SMYD3: variants seen among roughly 807,000 people sequenced by gnomAD.
SMYD3 encodes the protein SET and MYND domain containing 3.
A neutral mutation model predicts 57.7 loss-of-function variants in SMYD3; 36 were observed. That is an observed-to-expected ratio of 0.62 (90% CI 0.48 to 0.82). SMYD3 has a LOEUF of 0.82. SMYD3 is among the 40% of genes least tolerant of loss of function. The pLI, the probability that SMYD3 is intolerant of heterozygous loss-of-function variation, is 0.00. For synonymous variants in SMYD3, 211 were observed against 195.0 expected (o/e 1.08, Z -0.68); for missense variants, 515 against 538.8 (o/e 0.96, Z 0.44).
intron 7 of SMYD3, among the ~76,000 whole-genome samples, chr1:245,918,851 G>A (rs1038460720): frequency 1.3e-5 from 2 of 152,148 alleles, no homozygotes; most frequent in Admixed American, 1.3e-4. Flanking sequence ...TATCAGAGCA[G>A]GTAAATGGAC....
chr1:246,376,599 A>AAAAC (rs2148740107), intron 1 of SMYD3, among the ~76,000 whole-genome samples: 1 of 151,198 alleles, frequency 6.6e-6, no homozygotes, highest in East Asian at 1.9e-4. Flanking sequence ...TAAAAAAAAA[A>AAAAC]AAAAAAAAAA....
chr1:245,837,003 T>C (rs1441816746), intron 10 of SMYD3, among the ~76,000 whole-genome samples: 2 of 152,146 alleles, frequency 1.3e-5, no homozygotes, highest in Non-Finnish European at 2.9e-5. Flanking sequence ...ATTTAATATT[T>C]TGATAGTCAA....
intron 2 of SMYD3, among the ~76,000 whole-genome samples, chr1:246,350,630 G>C (rs548888833): frequency 6.7e-6 from 1 of 149,044 alleles, no homozygotes; most frequent in South Asian, 2.2e-4. Context: ...AACATGAAGG[G>C]AAGTGGGTCT....
chr1:245,887,193 T>C (rs10737777), intron 8 of SMYD3, among the ~76,000 whole-genome samples: 151,275 of 152,182 alleles, frequency 0.99, 75,196 homozygotes, highest in Middle Eastern at 1. Context: ...GTAAAGGAGC[T>C]GGCCAAATCC....
chr1:245,767,912 T>C (rs1045787610), intron 10 of SMYD3, among the ~76,000 whole-genome samples: 2 of 152,100 alleles, frequency 1.3e-5, no homozygotes, highest in Non-Finnish European at 2.9e-5. Context: ...CCAAGAAAAT[T>C]GGAAAACAGA....
chr1:246,448,386 CATT>C (rs531585325), intron 1 of SMYD3, among the ~76,000 whole-genome samples: 108 of 152,206 alleles, frequency 7.1e-4, no homozygotes, highest in African/African-American at 2.5e-3. Context: ...AGTCAACTGT[CATT>C]ATCCTATGAA....
chr1:245,942,798 C>A (rs1186356312), intron 5 of SMYD3, among the ~76,000 whole-genome samples: 3 of 152,270 alleles, frequency 2.0e-5, no homozygotes, highest in East Asian at 3.9e-4. Context: ...CAGACCACAG[C>A]ACAATCAAAT....
chr1:246,436,190 G>A (rs1239679302), intron 1 of SMYD3, among the ~76,000 whole-genome samples: 27 of 141,456 alleles, frequency 1.9e-4, no homozygotes, highest in African/African-American at 1.6e-4. Context: ...TTTCTTATTT[G>A]AAAAAAAAAA....
intron 5 of SMYD3, among the ~76,000 whole-genome samples, chr1:246,121,516 T>A (rs1440129126): frequency 6.7e-6 from 1 of 149,826 alleles, no homozygotes; most frequent in African/African-American, 2.5e-5. Context: ...CCAAAATTCA[T>A]CTAAATGTCT....
At chr1:246,398,685 C>T (rs901942695) in intron 1 of SMYD3, among the ~76,000 whole-genome samples, 1 of 152,138 alleles carries the variant, frequency 6.6e-6, no homozygotes, top group Admixed American at 6.5e-5. Context: ...GAGGGAGACA[C>T]TGGGGCTCAG....
At chr1:245,837,069 C>T (rs564498777) in intron 10 of SMYD3, among the ~76,000 whole-genome samples, 9 of 152,106 alleles carry the variant, frequency 5.9e-5, no homozygotes, top group East Asian at 1.9e-4. Flanking sequence ...AGTAGTTGGG[C>T]GCAGTGGCAG....
At chr1:246,470,689 ATATG>A (rs2067950502) in intron 1 of SMYD3, among the ~76,000 whole-genome samples, 2 of 151,584 alleles carry the variant, frequency 1.3e-5, no homozygotes, top group Admixed American at 1.3e-4. Context: ...TATATAGTGC[ATATG>A]TATGTGCATA....
At chr1:245,988,176 C>A (rs1024043593) in intron 5 of SMYD3, among the ~76,000 whole-genome samples, 2 of 152,018 alleles carry the variant, frequency 1.3e-5, no homozygotes, top group Admixed American at 1.3e-4. Context: ...CACAGGGCTA[C>A]ACAAGCCTCC....
intron 5 of SMYD3, among the ~76,000 whole-genome samples, chr1:246,005,734 C>A (rs1382159563): frequency 6.6e-6 from 1 of 152,132 alleles, no homozygotes; most frequent in Non-Finnish European, 1.5e-5. Context: ...AACAGAGAAT[C>A]CTATGAAAAC....
intron 5 of SMYD3, among the ~76,000 whole-genome samples, chr1:246,045,928 C>A (rs1423369603): frequency 6.6e-6 from 1 of 152,146 alleles, no homozygotes; most frequent in African/African-American, 2.4e-5. Context: ...CAATGAGATA[C>A]CATCTCACAC....
intron 5 of SMYD3, among the ~76,000 whole-genome samples, chr1:246,319,567 C>A (rs2065214544): frequency 6.6e-6 from 1 of 152,116 alleles, no homozygotes; most frequent in Non-Finnish European, 1.5e-5. Flanking sequence ...TACCTTATAG[C>A]AGGCTACAGC....
chr1:246,002,037 T>A (rs1310055358), intron 5 of SMYD3, among the ~76,000 whole-genome samples: 1 of 152,136 alleles, frequency 6.6e-6, no homozygotes, highest in Admixed American at 6.5e-5. Context: ...AGAGTCCCTA[T>A]CTTCCTTACG....
At chr1:246,490,822 A>C (rs2068257471) in intron 1 of SMYD3, among the ~76,000 whole-genome samples, 1 of 152,146 alleles carries the variant, frequency 6.6e-6, no homozygotes, top group Non-Finnish European at 1.5e-5. Context: ...AGCCATGATC[A>C]TGCCACTGCA....
chr1:246,255,555 A>G (rs1342230578), intron 5 of SMYD3, among the ~76,000 whole-genome samples: 3 of 151,930 alleles, frequency 2.0e-5, no homozygotes, highest in Non-Finnish European at 4.4e-5. Context: ...AAAGTTTTTG[A>G]TGTGCTGTTT....
Sources: gnomAD v4.1 joint callset for allele counts (sites outside exome capture counted in the v4.1 genomes callset) on GRCh38, gnomAD v4.1.1 for gene constraint, MANE v1.5 for transcripts, NCBI Gene and HGNC (gene_info 2026-07-23, HGNC 2026-07-21) for gene names.